Variants in LRP12 observed in about 807,000 individuals in gnomAD.
LRP12 encodes the protein LDL receptor related protein 12.
In LRP12, 14 loss-of-function variants were observed where a neutral mutation model predicts 66.0. That is an observed-to-expected ratio of 0.21 (90% CI 0.14 to 0.33). The LOEUF (loss-of-function observed/expected upper bound fraction) is 0.33. Among genes scored for constraint, LRP12 ranks in the 10% least tolerant of loss-of-function variants. The pLI is 1.00. For synonymous variants in LRP12, 357 were observed against 359.1 expected (o/e 0.99, Z 0.07); for missense variants, 889 against 1,053.4 (o/e 0.84, Z 2.16).
At chr8:104,493,697 T>C (rs1477813907) in intron 6 of LRP12, among the ~76,000 whole-genome samples, 1 of 152,226 alleles carries the variant, frequency 6.6e-6, no homozygotes, top group Non-Finnish European at 1.5e-5. Flanking sequence ...ACATGTGCAA[T>C]TAATCCTGCC....
chr8:104,549,895 C>T (rs1811701354), intron 1 of LRP12, among the ~76,000 whole-genome samples: 1 of 152,186 alleles, frequency 6.6e-6, no homozygotes, highest in Non-Finnish European at 1.5e-5. Context: ...CAAACTTCCT[C>T]AACCACTATT....
intron 2 of LRP12, among the ~76,000 whole-genome samples, chr8:104,514,316 T>C (rs1035880622): frequency 2.0e-5 from 3 of 152,146 alleles, no homozygotes; most frequent in African/African-American, 4.8e-5. Flanking sequence ...TAACCTGTAA[T>C]TTCATTTTTC....
intron 1 of LRP12, among the ~76,000 whole-genome samples, chr8:104,576,761 A>C (rs965094296): frequency 5.9e-5 from 9 of 152,190 alleles, no homozygotes; most frequent in African/African-American, 2.2e-4. Flanking sequence ...ACATATCAAT[A>C]CTAAGCTTGA....
At chr8:104,548,171 A>ATAAT (rs1554709876) in intron 1 of LRP12, among the ~76,000 whole-genome samples, 3 of 99,084 alleles carry the variant, frequency 3.0e-5, no homozygotes, top group Non-Finnish European at 5.2e-5. Context: ...TATTATATAT[A>ATAAT]ATATAATATA....
intron 3 of LRP12, among the ~76,000 whole-genome samples, chr8:104,501,380 T>TA (rs1238729456): frequency 6.4e-4 from 93 of 146,204 alleles, no homozygotes; most frequent in African/African-American, 8.0e-4. Context: ...TTTTGCCCAT[T>TA]AAAAAAAAAA....
intron 2 of LRP12, among the ~76,000 whole-genome samples, chr8:104,509,733 C>T (rs1452098390): frequency 1.3e-5 from 2 of 152,122 alleles, no homozygotes; most frequent in Admixed American, 6.5e-5. Context: ...GGTGTCTGAG[C>T]TCTAAGGTAA....
chr8:104,498,076 C>T lies in LRP12; in HGVS notation c.476G>A (p.Gly159Glu). The change falls in exon 5 of 7, where the codon GGG (glycine) becomes GAG (glutamate). Residue 159 changes from glycine to glutamate, a missense_variant and splice_region_variant. Transcript: ENST00000276654. ...AGCACAATTTGGTTCCTCAGATTTC[C>T]CTGTGAAGATGTGAGTAGAAATAGA... ...RKGFRLAYFS[G>E]KSEEPNCACD... 1.3e-6 allele frequency: 2 copies of T among 1,582,038 alleles called. No homozygotes were observed. Among genetic ancestry groups the T allele is most frequent in the East Asian group, 2.2e-5 (1 of 44,556 alleles).
intron 1 of LRP12, among the ~76,000 whole-genome samples, chr8:104,539,783 T>A (rs1588496993): frequency 6.6e-6 from 1 of 151,064 alleles, no homozygotes; most frequent in African/African-American, 2.4e-5. Flanking sequence ...TGTGAGAAGA[T>A]AAAAAAAAAT....
chr8:104,548,234 A>G (rs1438880047), intron 1 of LRP12, among the ~76,000 whole-genome samples: 1 of 102,160 alleles, frequency 9.8e-6, no homozygotes, highest in Non-Finnish European at 1.7e-5. Context: ...ATATATTTAT[A>G]TTAATATACG....
rs1810581965 is a variant in LRP12, at chr8:104,489,445, A to AC, written c.*1227dup. The AC allele has an allele frequency of 2.0e-5, 3 of 150,428 alleles. No individual in the cohort carries two copies. Among genetic ancestry groups the AC allele is most frequent in the Admixed American group, 6.6e-5 (1 of 15,132 alleles). 9.3% of individuals were successfully genotyped at this position (150,428 alleles called of 1,614,324 possible). On this transcript the variant is annotated 3_prime_UTR_variant, in exon 7 of 7. Coordinates refer to ENST00000276654, the MANE Select transcript of LRP12 (RefSeq NM_013437.5). The stretch of plus-strand genomic sequence containing the variant: ...TTTTCATAATCATTAAACTACTAAA[A>AC]CAGACAGTTAAAGAATAAATAAACC...
At chr8:104,544,633 G>T (rs2140873050) in intron 1 of LRP12, among the ~76,000 whole-genome samples, 1 of 152,190 alleles carries the variant, frequency 6.6e-6, no homozygotes, top group Admixed American at 6.5e-5. Flanking sequence ...AGCTAAATCT[G>T]CTCTGCTTGA....
At chr8:104,561,280 T>C (rs1021317266) in intron 1 of LRP12, among the ~76,000 whole-genome samples, 2 of 152,214 alleles carry the variant, frequency 1.3e-5, no homozygotes, top group African/African-American at 2.4e-5. Flanking sequence ...ACTTCAGAGC[T>C]TATGCTGTAT....
intron 2 of LRP12, among the ~76,000 whole-genome samples, chr8:104,511,574 G>C (rs77451614): frequency 6.6e-6 from 1 of 151,818 alleles, no homozygotes; most frequent in African/African-American, 2.4e-5. Context: ...TTTCAATTTA[G>C]GTTAAGAATG....
intron 1 of LRP12, among the ~76,000 whole-genome samples, chr8:104,549,917 G>C (rs1036385029): frequency 2.6e-5 from 4 of 151,968 alleles, no homozygotes; most frequent in Non-Finnish European, 4.4e-5. Flanking sequence ...TTAGTAAATC[G>C]CCTCTCTTTC....
intron 1 of LRP12, among the ~76,000 whole-genome samples, chr8:104,550,948 C>T (rs10429349): frequency 0.013 from 1,979 of 152,252 alleles, 48 homozygotes; most frequent in African/African-American, 0.044. Context: ...TTTAAAGGTA[C>T]ATCTGACATT....
Position 104,490,506 on chromosome 8 carries a change from CAT to C in LRP12, c.*165_*166del, listed in dbSNP as rs1482101036. ...CTGCTAAAATAGTAAACTCTAAGTT[CAT>C]AGAGTTACAAGTTGTCGAATTTAAC... On this transcript the variant is annotated 3_prime_UTR_variant, in exon 7 of 7. Coordinates refer to ENST00000276654, the MANE Select transcript of LRP12 (RefSeq NM_013437.5). The C allele has an allele frequency of 1.5e-6, 1 of 674,928 alleles. No homozygotes were observed. Among genetic ancestry groups the C allele is most frequent in the Non-Finnish European group, 2.4e-6 (1 of 413,656 alleles). 41.8% of individuals were successfully genotyped at this position (674,928 alleles called of 1,614,324 possible).
chr8:104,497,203 A>G lies in LRP12; in HGVS notation c.1349T>C (p.Phe450Ser), dbSNP rs765210697. The G allele has an allele frequency of 6.2e-7, 1 of 1,611,810 alleles. No homozygotes were observed. The highest frequency in any genetic ancestry group is 1.1e-5 in the South Asian group (1 of 90,710). The change falls in exon 5 of 7, where the codon TTT (phenylalanine) becomes TCT (serine). Residue 450 changes from phenylalanine (F) to serine (S), a missense_variant. This residue lies in a region of LRP12 where 800 missense variants were observed against 964.5 expected (regional missense o/e 0.83). Coordinates refer to ENST00000276654, the MANE Select transcript of LRP12 (RefSeq NM_013437.5). This position sits in a 1 kb window ranked among gnomAD's most constrained non-coding sequence, Gnocchi z 4.3. ...ACAATGGAAATTTCCTGGTTGGCAA[A>G]AAAAGCAGTTTTTTTCATCTGAGCC... Reference protein sequence around the residue: ...PNGSDEKNCFFCQPGNFHCKN... With the variant: ...PNGSDEKNCFSCQPGNFHCKN...
chr8:104,582,804 C>T (rs967305548), intron 1 of LRP12, among the ~76,000 whole-genome samples: 1 of 152,198 alleles, frequency 6.6e-6, no homozygotes, highest in South Asian at 2.1e-4. Context: ...ACTTGCTAAG[C>T]GTCCAAACCA....
Position 104,497,711 on chromosome 8 carries a change from G to A in LRP12, c.841C>T (p.Pro281Ser), listed in dbSNP as rs1442093097. 6 of 1,613,722 alleles carry A rather than the reference G, an allele frequency of 3.7e-6. No individual in the cohort carries two copies. Among genetic ancestry groups the A allele is most frequent in the South Asian group, 1.1e-5 (1 of 90,984 alleles). Residue 281 changes from proline to serine, a missense_variant, in exon 5 of 7, where the codon CCT (proline) becomes TCT (serine). Around this residue, in one of 3 missense-constraint regions of LRP12, gnomAD observed 800 missense variants for 964.5 expected, o/e 0.83. Coordinates refer to ENST00000276654, the MANE Select transcript of LRP12 (RefSeq NM_013437.5). This position sits in a 1 kb window ranked among gnomAD's most constrained non-coding sequence, Gnocchi z 4.3. ...NSPNYPDFYP[P>S]GSNCTWLIDT... ...ATTAACCAGGTGCAATTGCTTCCAGGAGGATAAAAGTCTGGATAATTGGGA... is the reference window on the plus strand; with the variant it reads ...ATTAACCAGGTGCAATTGCTTCCAGAAGGATAAAAGTCTGGATAATTGGGA...
Sources: allele counts gnomAD v4.1 joint callset (sites outside exome capture counted in the v4.1 genomes callset), GRCh38; gene constraint gnomAD v4.1.1; regional missense constraint gnomAD v4.1.1; non-coding constraint Gnocchi (gnomAD v3.1); transcripts MANE v1.5; gene names NCBI Gene and HGNC (gene_info 2026-07-23, HGNC 2026-07-21).